Variants in CDH11 observed in about 807,000 individuals in gnomAD.
CDH11 encodes cadherin-11.
In CDH11, 11 loss-of-function variants were observed where a neutral mutation model predicts 67.8. That is an observed-to-expected ratio of 0.16 (90% CI 0.10 to 0.27). The LOEUF (loss-of-function observed/expected upper bound fraction) is 0.27, where lower values mean the gene tolerates loss of function less well. CDH11 is among the 10% of genes least tolerant of loss of function. The pLI, the probability that CDH11 is intolerant of heterozygous loss-of-function variation, is 1.00. For synonymous variants in CDH11, 419 were observed against 400.0 expected (o/e 1.05, Z -0.57); for missense variants, 847 against 1,031.2 (o/e 0.82, Z 2.45).
chr16:64,989,021 G>A (rs1056961051), intron 6 of CDH11, among the ~76,000 whole-genome samples: 1 of 152,080 alleles, frequency 6.6e-6, no homozygotes, highest in Admixed American at 6.5e-5. Context: ...CCAGGACACT[G>A]TTTTGTTTGC....
At chr16:64,953,262 A>C (rs2071411445) in intron 11 of CDH11, among the ~76,000 whole-genome samples, 1 of 149,394 alleles carries the variant, frequency 6.7e-6, no homozygotes, top group Non-Finnish European at 1.5e-5. Context: ...ATCTATATCT[A>C]TATATAGATA....
intron 11 of CDH11, among the ~76,000 whole-genome samples, chr16:64,964,679 GC>G (rs954085536): frequency 6.6e-6 from 1 of 152,022 alleles, no homozygotes; most frequent in African/African-American, 2.4e-5. Context: ...CTCCCGAGTA[GC>G]TGGGACTACA....
intron 1 of CDH11, among the ~76,000 whole-genome samples, chr16:65,062,365 AAC>A (rs536853430): frequency 7.2e-5 from 11 of 151,800 alleles, no homozygotes; most frequent in Non-Finnish European, 1.3e-4. Context: ...AAGTACTGCA[AAC>A]ACACACACAC....
rs749755929 is a variant in CDH11, at chr16:64,998,583, C to A, written c.502G>T (p.Val168Leu). The A allele has an allele frequency of 6.2e-7, 1 of 1,614,072 alleles. No homozygotes were observed. ...EFLHETYHAN[V>L]PERSNVGTSV... ...GCACCCACATTGGACCTCTCAGGCA[C>A]GTTGGCATGATAGGTCTCGTGCAGG... Residue 168 changes from valine (V) to leucine (L), a missense_variant, in exon 4 of 13, where the codon GTG becomes TTG. Coordinates refer to ENST00000268603, the MANE Select transcript of CDH11 (RefSeq NM_001797.4).
At chr16:64,948,287 C>T (rs1351244770) in intron 12 of CDH11, among the ~76,000 whole-genome samples, 188 bp from the exon 13 acceptor site, 1 of 152,202 alleles carries the variant, frequency 6.6e-6, no homozygotes, top group Non-Finnish European at 1.5e-5. Context: ...GGCTCTTCCT[C>T]TACAAATGCT....
intron 3 of CDH11, among the ~76,000 whole-genome samples, chr16:65,003,173 G>T (rs1384774986): frequency 3.3e-5 from 5 of 149,958 alleles, no homozygotes; most frequent in African/African-American, 1.2e-4. Context: ...ATGAGAAAAT[G>T]GCATTAGTAA....
intron 2 of CDH11, among the ~76,000 whole-genome samples, chr16:65,049,663 G>A (rs1208151824): frequency 6.6e-6 from 1 of 152,166 alleles, no homozygotes; most frequent in East Asian, 1.9e-4. Flanking sequence ...ATTTTGCACA[G>A]GGACTGGATG....
chr16:64,948,352 T>A (rs931886924), intron 12 of CDH11, among the ~76,000 whole-genome samples: 2 of 152,192 alleles, frequency 1.3e-5, no homozygotes, highest in Non-Finnish European at 2.9e-5. Flanking sequence ...TTTGAACTTT[T>A]AACAAATGAA....
intron 11 of CDH11, among the ~76,000 whole-genome samples, chr16:64,962,957 T>C (rs1406248581): frequency 6.6e-6 from 1 of 152,200 alleles, no homozygotes; most frequent in African/African-American, 2.4e-5. Flanking sequence ...TATGGAATGC[T>C]AGCCCTTCTT....
At chr16:65,021,303 C>T (rs1013893558) in intron 2 of CDH11, among the ~76,000 whole-genome samples, 1 of 152,114 alleles carries the variant, frequency 6.6e-6, no homozygotes, top group Non-Finnish European at 1.5e-5. Flanking sequence ...AGGATCTATC[C>T]GTTTTCAATT....
intron 2 of CDH11, among the ~76,000 whole-genome samples, chr16:65,051,743 G>A (rs1217447043): frequency 1.3e-5 from 2 of 151,998 alleles, no homozygotes; most frequent in Admixed American, 1.3e-4. Flanking sequence ...TTTTATAAGG[G>A]GCTCTCCTCC....
At position 64,998,874 on chromosome 16, in the gene CDH11, T is replaced by C. The variant is rs114755514; in HGVS notation, c.229-18A>G. The C allele has an allele frequency of 1.3e-3, 2,027 of 1,608,830 alleles. 31 individuals carry two copies. The African/African-American group carries it at 0.024, about 19-fold the overall frequency. On this transcript the variant is annotated intron_variant, in intron 3 of 12. Transcript: ENST00000268603. ...GAATGAAGCTGGAAGAAAGAGAAAT[T>C]GAGATTTTTAATTCCATGAGGAAAG...
rs369234661 is a variant in CDH11, at chr16:65,121,509, A to G, written c.-298+371T>C. Among the ~76,000 whole-genome samples the G allele has an allele frequency of 1.2e-4, 19 of 152,102 alleles. No individual in the cohort carries two copies. In the East Asian group the frequency reaches 1.8e-3, roughly 14 times the overall value. On this transcript the variant is annotated intron_variant, in intron 1 of 12. Transcript: ENST00000268603. This position sits in a 1 kb window ranked among gnomAD's most constrained non-coding sequence, Gnocchi z 4.1. The stretch of plus-strand genomic sequence containing the variant: ...GTGGGCGACTTTCCCCAGAGATATG[A>G]CCGGGGACAGTCGGCGTGTCCGGAG...
Position 64,946,916 on chromosome 16 carries a change from G to T in CDH11, c.*687C>A. On this transcript the variant is annotated 3_prime_UTR_variant, in exon 13 of 13. Coordinates refer to ENST00000268603, the MANE Select transcript of CDH11 (RefSeq NM_001797.4). ...CATGTCAGAATACTGATATTTATAC[G>T]TATACTAAAATAAGAACTTTAAAAT... The T allele has an allele frequency of 1.2e-6, 1 of 807,496 alleles. No individual in the cohort carries two copies. Among genetic ancestry groups the T allele is most frequent in the Non-Finnish European group, 1.5e-6 (1 of 656,968 alleles). The allele number at this position is 807,496 out of a possible 1,614,324, so 50.0% of individuals were successfully genotyped here. A position where few individuals can be genotyped will look rare whatever the true frequency, so the allele number is the denominator to read the frequency against.
At chr16:65,037,513 G>T (rs967684352) in intron 2 of CDH11, among the ~76,000 whole-genome samples, 1 of 152,166 alleles carries the variant, frequency 6.6e-6, no homozygotes. Flanking sequence ...ACAGTCATTG[G>T]TTTAAGTGCA....
chr16:65,065,156 G>A (rs2074293263), intron 1 of CDH11, among the ~76,000 whole-genome samples: 1 of 152,166 alleles, frequency 6.6e-6, no homozygotes, highest in South Asian at 2.1e-4. Context: ...ACATGGTGGT[G>A]GAGGAGGGAG....
chr16:64,951,988 C>T (rs1314899385), intron 11 of CDH11, among the ~76,000 whole-genome samples: 2 of 152,158 alleles, frequency 1.3e-5, no homozygotes, highest in African/African-American at 4.8e-5. Flanking sequence ...ATTTCCCTAA[C>T]CTAGATTTCA....
At chr16:65,077,197 C>A (rs2074527672) in intron 1 of CDH11, among the ~76,000 whole-genome samples, 7 of 152,220 alleles carry the variant, frequency 4.6e-5, no homozygotes, top group Admixed American at 4.6e-4. Flanking sequence ...ACTTCTGGCT[C>A]TGCCATGCTA....
chr16:64,984,928 T>G (rs904932130), intron 7 of CDH11: 8 of 152,202 alleles, frequency 5.3e-5, no homozygotes, highest in Non-Finnish European at 1.2e-4. Flanking sequence ...AAAAAGAGTT[T>G]TATTAAAACA....
Sources: gnomAD v4.1 joint callset for allele counts (sites outside exome capture counted in the v4.1 genomes callset) on GRCh38, gnomAD v4.1.1 for gene constraint, Gnocchi (gnomAD v3.1) non-coding constraint, MANE v1.5 for transcripts, NCBI Gene and HGNC (gene_info 2026-07-23, HGNC 2026-07-21) for gene names.